Variants in PLSCR2 observed in about 807,000 individuals in gnomAD.
The protein encoded by PLSCR2 is PL scramblase 2.
In PLSCR2, 18 loss-of-function variants were observed where a neutral mutation model predicts 25.3. The ratio of observed to expected loss-of-function variants is 0.71; its 90% CI spans 0.49 to 1.06. The LOEUF (loss-of-function observed/expected upper bound fraction) is 1.06, where lower values mean the gene tolerates loss of function less well. Ranked by LOEUF, PLSCR2 falls within the 50% of genes least tolerant of loss-of-function variation. The pLI, the probability that PLSCR2 is intolerant of heterozygous loss-of-function variation, is 0.00. For synonymous variants in PLSCR2, 88 were observed against 87.3 expected, an observed-to-expected ratio of 1.01 and a Z score of -0.04; for missense variants, 243 against 269.5, an observed-to-expected ratio of 0.90 and a Z score of 0.69.
chr3:146,454,114 G>T, exon 5 of PLSCR2: 2 of 1,608,032 alleles, frequency 1.2e-6, no homozygotes, highest in South Asian at 2.2e-5. Context: ...TGGGTGCCAG[G>T]TCTGAGTAAC....
chr3:146,412,713 G>A (rs1308207380), intron 2 of PLSCR2, among the ~76,000 whole-genome samples: 1 of 152,226 alleles, frequency 6.6e-6, no homozygotes, highest in Non-Finnish European at 1.5e-5. Flanking sequence ...GGGAGGGGAA[G>A]AGGTTCTTAT....
chr3:146,469,253 A>C, intron 1 of PLSCR2: 1 of 985,598 alleles, frequency 1.0e-6, no homozygotes, highest in Non-Finnish European at 1.2e-6. Flanking sequence ...TGAGCCCCGC[A>C]AGGCGTTTTC....
chr3:146,474,618 T>A (rs1347280599), intron 1 of PLSCR2, among the ~76,000 whole-genome samples: 2 of 152,172 alleles, frequency 1.3e-5, no homozygotes, highest in Non-Finnish European at 2.9e-5. Context: ...GTCTTGGGGT[T>A]GATCTTCTCG....
chr3:146,441,231 CA>C (rs202241822), downstream of PLSCR2, among the ~76,000 whole-genome samples: 1 of 149,694 alleles, frequency 6.7e-6, no homozygotes, highest in Non-Finnish European at 1.5e-5. Context: ...ATCTCAAAAA[CA>C]AAAAAAAATC....
At chr3:146,493,295 G>A (rs2108587417) in intron 1 of PLSCR2, among the ~76,000 whole-genome samples, 1 of 152,200 alleles carries the variant, frequency 6.6e-6, no homozygotes, top group East Asian at 1.9e-4. Context: ...ACTCATTTTA[G>A]GAGGCCAGCA....
At chr3:146,483,564 A>C (rs778884587) in intron 1 of PLSCR2, among the ~76,000 whole-genome samples, 7 of 145,642 alleles carry the variant, frequency 4.8e-5, no homozygotes, top group African/African-American at 7.6e-5. Flanking sequence ...TCCCCGAGGA[A>C]GGAGCAGGCA....
chr3:146,462,668 T>C (rs971139767), upstream of PLSCR2, among the ~76,000 whole-genome samples: 1 of 152,132 alleles, frequency 6.6e-6, no homozygotes, highest in African/African-American at 2.4e-5. Context: ...GGTTTCACCA[T>C]GTTGGCCAGG....
chr3:146,455,479 C>A lies in PLSCR2; in HGVS notation c.101-20G>T. 2 of 1,456,482 alleles carry A rather than the reference C, an allele frequency of 1.4e-6. No homozygotes were observed. The highest frequency in any genetic ancestry group is 2.3e-5 in the South Asian group (2 of 87,628). 90.2% of individuals were successfully genotyped at this position (1,456,482 alleles called of 1,614,324 possible). On this transcript the variant is annotated intron_variant, in intron 3 of 6. Transcript: ENST00000610787. Reference sequence around the variant, plus strand: ...ATAGAACTAAAAATGAAAATAAAATCAGTTGCCTTTACGTTAAAATGATTG... The same window carrying A: ...ATAGAACTAAAAATGAAAATAAAATAAGTTGCCTTTACGTTAAAATGATTG...
At chr3:146,484,797 A>G (rs1232838669) in intron 1 of PLSCR2, among the ~76,000 whole-genome samples, 2 of 152,130 alleles carry the variant, frequency 1.3e-5, no homozygotes, top group Non-Finnish European at 2.9e-5. Context: ...AAAGCACTAA[A>G]TATGACATGG....
chr3:146,479,520 T>C (rs2043054901), intron 1 of PLSCR2, among the ~76,000 whole-genome samples: 2 of 152,152 alleles, frequency 1.3e-5, no homozygotes, highest in African/African-American at 4.8e-5. Context: ...GGTAAAGGGA[T>C]CAATTCAACA....
intron 1 of PLSCR2, 103 bp downstream of exon 1, chr3:146,469,392 C>A: frequency 1.1e-6 from 1 of 931,068 alleles, no homozygotes. Context: ...GGGCCCTTGC[C>A]CCGCCCTCTG....
chr3:146,408,888 C>T (rs1229902673), intron 2 of PLSCR2, among the ~76,000 whole-genome samples: 5 of 152,054 alleles, frequency 3.3e-5, no homozygotes, highest in African/African-American at 1.2e-4. Flanking sequence ...GGTCTCAGGC[C>T]AGGTGGAGGG....
Position 146,471,135 on chromosome 3 carries a change from C to A in PLSCR2, c.-292-10851G>T, listed in dbSNP as rs532310289. On this transcript the variant is annotated intron_variant, in intron 1 of 8. Transcript: ENST00000336685. ...CAGTGCATCTTGGAAATCTCTATCC[C>A]TCTAATACAGAACTGTGTCATTGAT... Among the ~76,000 whole-genome samples, 3 of 152,104 alleles carry A rather than the reference C, an allele frequency of 2.0e-5. No homozygotes were observed. In the South Asian group the frequency reaches 6.2e-4, roughly 32 times the overall value.
chr3:146,484,031 T>C (rs905270598), intron 1 of PLSCR2, among the ~76,000 whole-genome samples: 6 of 151,638 alleles, frequency 4.0e-5, no homozygotes, highest in Admixed American at 6.6e-5. Flanking sequence ...CTAAAGAAGC[T>C]AAGAACCATG....
In PLSCR2 at chr3:146,393,355, A is replaced by C. The variant is rs371767591; in HGVS notation, c.*146-1793T>G. 3.5e-4 allele frequency among the ~76,000 whole-genome samples: 54 copies of C among 152,122 alleles called. No homozygotes were observed. The South Asian group carries it at 0.01, about 29-fold the overall frequency. ...CATTTCTATATGTATAAAACATTTA[A>C]AAATATTTATTAACCTCTAATTGAG... On this transcript the variant is annotated intron_variant and NMD_transcript_variant, in intron 3 of 3. Coordinates refer to the PLSCR2 transcript ENST00000463633.
chr3:146,409,284 G>C (rs1057081892), intron 2 of PLSCR2, among the ~76,000 whole-genome samples: 1 of 152,134 alleles, frequency 6.6e-6, no homozygotes, highest in Non-Finnish European at 1.5e-5. Flanking sequence ...GGGTGTCATC[G>C]AGGAGACATG....
intron 2 of PLSCR2, among the ~76,000 whole-genome samples, chr3:146,412,985 G>A (rs1338868254): frequency 6.6e-6 from 1 of 152,136 alleles, no homozygotes; most frequent in Non-Finnish European, 1.5e-5. Flanking sequence ...AGAGGCAAGG[G>A]GGTGAAGAGA....
At chr3:146,415,988 T>C (rs189294894) in intron 2 of PLSCR2, among the ~76,000 whole-genome samples, 2 of 152,274 alleles carry the variant, frequency 1.3e-5, no homozygotes, top group African/African-American at 2.4e-5. Context: ...TCTAGCTCTG[T>C]CACCCAGGTT....
chr3:146,483,431 A>C (rs534156209), intron 1 of PLSCR2, among the ~76,000 whole-genome samples: 1 of 95,586 alleles, frequency 1.0e-5, no homozygotes, highest in East Asian at 2.6e-4. Flanking sequence ...TAAACTTAAT[A>C]TATATATATA....
Sources: gnomAD v4.1 joint callset for allele counts (sites outside exome capture counted in the v4.1 genomes callset) on GRCh38, gnomAD v4.1.1 for gene constraint, MANE v1.5 for transcripts, NCBI Gene and HGNC (gene_info 2026-07-23, HGNC 2026-07-21) for gene names.